The following IKZF1 variants were observed in gnomAD, a reference collection of about 807,000 sequenced individuals.
The protein encoded by IKZF1 is DNA-binding protein Ikaros.
In IKZF1, 10 loss-of-function variants were observed where a neutral mutation model predicts 51.7. That is an observed-to-expected ratio of 0.19 (90% CI 0.12 to 0.33). The LOEUF (loss-of-function observed/expected upper bound fraction) is 0.33, where lower values mean the gene tolerates loss of function less well. Among genes scored for constraint, IKZF1 ranks in the 10% least tolerant of loss-of-function variants. The pLI is 1.00. For missense variants in IKZF1, 484 were observed against 707.5 expected (o/e 0.68, Z 3.58); for synonymous variants, 280 against 282.3 (o/e 0.99, Z 0.08).
In IKZF1 at chr7:50,402,250, A is replaced by G; in HGVS notation, c.*1623A>G. 1 of 231,002 alleles carries G rather than the reference A, an allele frequency of 4.3e-6. No homozygotes were observed. Among genetic ancestry groups the G allele is most frequent in the Non-Finnish European group, 8.6e-6 (1 of 116,530 alleles). 14.3% of individuals were successfully genotyped at this position (231,002 alleles called of 1,614,324 possible). A position where few individuals can be genotyped will look rare whatever the true frequency, so the allele number is the denominator to read the frequency against. ...TCTTCACCAACACTGTCCCAAGGTG[A>G]AATGAAGCAACAGAGAGGAAATTGT... On this transcript the variant is annotated 3_prime_UTR_variant, in exon 8 of 8. Coordinates refer to ENST00000331340, the MANE Select transcript of IKZF1 (RefSeq NM_006060.6).
At position 50,327,782 on chromosome 7, in the gene IKZF1, G is replaced by A. The variant is rs192665268; in HGVS notation, c.160+25G>A. On this transcript the variant is annotated intron_variant, in intron 3 of 7. Coordinates refer to ENST00000331340, the MANE Select transcript of IKZF1 (RefSeq NM_006060.6). ...GGTAAGTGGGTCACCAGCGGCCTCT[G>A]TGCCTGTGAAACCTTTATCTCTTTG... is the stretch of plus-strand genomic sequence containing the variant. 144 of 1,585,208 alleles carry A rather than the reference G, an allele frequency of 9.1e-5. No individual in the cohort carries two copies. The African/African-American group carries it at 1.6e-3, about 18-fold the overall frequency.
chr7:50,357,782 T>G (rs1803914007), intron 3 of IKZF1, among the ~76,000 whole-genome samples: 1 of 152,172 alleles, frequency 6.6e-6, no homozygotes, highest in Non-Finnish European at 1.5e-5. Flanking sequence ...CTTGGAGAAG[T>G]TAGCTCAGGA....
At chr7:50,335,321 G>T (rs1340863350) in intron 3 of IKZF1, among the ~76,000 whole-genome samples, 1 of 143,724 alleles carries the variant, frequency 7.0e-6, no homozygotes, top group Non-Finnish European at 1.5e-5. Flanking sequence ...GGTATGTGGT[G>T]TGTATGTGTG....
intron 7 of IKZF1, among the ~76,000 whole-genome samples, chr7:50,393,616 G>A (rs1584997561): frequency 6.6e-6 from 1 of 152,334 alleles, no homozygotes; most frequent in East Asian, 1.9e-4. Flanking sequence ...TGAGCCAGTG[G>A]GGAGTTGTCC....
intron 3 of IKZF1, among the ~76,000 whole-genome samples, chr7:50,344,260 C>A (rs1196732454): frequency 6.6e-6 from 1 of 152,204 alleles, no homozygotes; most frequent in East Asian, 1.9e-4. Flanking sequence ...ATCTGCATGA[C>A]CAGGTCAGAA....
At chr7:50,358,569 G>A (rs1006356217) in intron 3 of IKZF1, among the ~76,000 whole-genome samples, 16 of 152,222 alleles carry the variant, frequency 1.1e-4, no homozygotes, top group African/African-American at 3.9e-4. Context: ...GTGATGTCCT[G>A]TGCATGGCTC....
intron 3 of IKZF1, among the ~76,000 whole-genome samples, chr7:50,347,747 G>T (rs1055587527): frequency 6.6e-6 from 1 of 152,076 alleles, no homozygotes; most frequent in Non-Finnish European, 1.5e-5. Flanking sequence ...CATGTTTGAC[G>T]CGTGTCACAT....
intron 4 of IKZF1, among the ~76,000 whole-genome samples, chr7:50,380,993 T>C (rs988924032): frequency 3.3e-5 from 5 of 152,224 alleles, no homozygotes; most frequent in African/African-American, 1.2e-4. Flanking sequence ...TACAGATTTC[T>C]GTAAGGATTT....
At chr7:50,360,895 C>T (rs1428116257) in intron 3 of IKZF1, among the ~76,000 whole-genome samples, 3 of 152,240 alleles carry the variant, frequency 2.0e-5, no homozygotes, top group Non-Finnish European at 4.4e-5. Flanking sequence ...TGCACACACC[C>T]CAAGCCCCTC....
At chr7:50,365,126 C>T (rs555921217) in intron 3 of IKZF1, among the ~76,000 whole-genome samples, 1 of 152,360 alleles carries the variant, frequency 6.6e-6, no homozygotes, top group East Asian at 1.9e-4. Flanking sequence ...TACTACCCAC[C>T]TGGCATCCAC....
intron 2 of IKZF1, among the ~76,000 whole-genome samples, chr7:50,323,025 T>C (rs1269293682): frequency 6.6e-6 from 1 of 152,236 alleles, no homozygotes; most frequent in Non-Finnish European, 1.5e-5. Flanking sequence ...TGGAAACCTT[T>C]AGATATATAT....
intron 6 of IKZF1, among the ~76,000 whole-genome samples, chr7:50,390,735 T>A (rs1223234443): frequency 6.6e-6 from 1 of 152,232 alleles, no homozygotes; most frequent in African/African-American, 2.4e-5. Context: ...ATGAGATAAT[T>A]GGCAACTTTT....
At chr7:50,375,614 C>T (rs1810005346) in intron 3 of IKZF1, among the ~76,000 whole-genome samples, 1 of 151,984 alleles carries the variant, frequency 6.6e-6, no homozygotes, top group African/African-American at 2.4e-5. Context: ...ATTCAAATGA[C>T]ATAATTACCT....
Position 50,385,970 on chromosome 7 carries a change from G to T in IKZF1, c.590-1375G>T, listed in dbSNP as rs75061238. ...CTGTAGCTTCTGTTCACCTAAGAAA[G>T]AGATTTAACCAACATAAGCTTTGGC... is the stretch of plus-strand genomic sequence containing the variant. On this transcript the variant is annotated intron_variant, in intron 5 of 7. Transcript: ENST00000331340. Among the ~76,000 whole-genome samples, 526 of 152,298 alleles carry T rather than the reference G, an allele frequency of 3.5e-3. 4 individuals are homozygous for T. Among genetic ancestry groups the T allele is most frequent in the African/African-American group, 0.012 (495 of 41,572 alleles).
intron 4 of IKZF1, among the ~76,000 whole-genome samples, chr7:50,378,483 C>T (rs150291740): frequency 6.6e-6 from 1 of 152,304 alleles, no homozygotes; most frequent in African/African-American, 2.4e-5. Flanking sequence ...AAGGAATAGA[C>T]CTCACAAATG....
chr7:50,383,773 C>T (rs1042886880), intron 5 of IKZF1, among the ~76,000 whole-genome samples: 1 of 152,242 alleles, frequency 6.6e-6, no homozygotes, highest in Non-Finnish European at 1.5e-5. Flanking sequence ...TCCTCACCCA[C>T]CCTGGGTAGC....
At chr7:50,340,323 G>A (rs1222893020) in intron 3 of IKZF1, among the ~76,000 whole-genome samples, 1 of 152,248 alleles carries the variant, frequency 6.6e-6, no homozygotes, top group Non-Finnish European at 1.5e-5. Flanking sequence ...CTGCTGCCAG[G>A]AGAGTACTTC....
Position 50,400,888 on chromosome 7 carries a change from GCTGAGATT to G in IKZF1, c.*263_*270del. On this transcript the variant is annotated 3_prime_UTR_variant, in exon 8 of 8. Transcript: ENST00000331340. The surrounding 1 kb of genome is among the most constrained non-coding windows in gnomAD (Gnocchi z 5.4). ...TCCTAGATGTTTCCCCAGACCGCTG[GCTGAGATT>G]CCCTCACCTGTCGCTTCCTAGAATC... The G allele has an allele frequency of 1.9e-6, 1 of 520,110 alleles. No individual in the cohort carries two copies. The highest frequency in any genetic ancestry group is 2.4e-5 in the South Asian group (1 of 41,678). 32.2% of individuals were successfully genotyped at this position (520,110 alleles called of 1,614,324 possible). A position where few individuals can be genotyped will look rare whatever the true frequency, so the allele number is the denominator to read the frequency against.
chr7:50,349,386 A>G (rs1801238043), intron 3 of IKZF1, among the ~76,000 whole-genome samples: 1 of 152,216 alleles, frequency 6.6e-6, no homozygotes, highest in Non-Finnish European at 1.5e-5. Flanking sequence ...GCAAGGAGAG[A>G]AAACAGTTTT....
Sources: allele counts gnomAD v4.1 joint callset (sites outside exome capture counted in the v4.1 genomes callset), GRCh38; gene constraint gnomAD v4.1.1; non-coding constraint Gnocchi (gnomAD v3.1); transcripts MANE v1.5; gene names NCBI Gene and HGNC (gene_info 2026-07-23, HGNC 2026-07-21).